The following PRUNE2 variants were observed in gnomAD, a reference collection of about 807,000 sequenced individuals.
The protein encoded by PRUNE2 is prune homolog 2 with BCH domain, also known as protein prune homolog 2.
A neutral mutation model predicts 252.0 loss-of-function variants in PRUNE2; 164 were observed. The ratio of observed to expected loss-of-function variants is 0.65; its 90% CI spans 0.57 to 0.74. The LOEUF (loss-of-function observed/expected upper bound fraction) is 0.74. PRUNE2 is among the 30% of genes least tolerant of loss of function. The pLI is 0.00. For missense variants in PRUNE2, 3,495 were observed against 3,711.0 expected (o/e 0.94, Z 1.51); for synonymous variants, 1,292 against 1,350.2 (o/e 0.96, Z 0.94).
chr9:76,730,131 T>C (rs987227360), intron 6 of PRUNE2, among the ~76,000 whole-genome samples: 13 of 152,242 alleles, frequency 8.5e-5, no homozygotes, highest in African/African-American at 3.1e-4. Flanking sequence ...CAAACACAGC[T>C]GATACTTGGC....
intron 4 of PRUNE2, among the ~76,000 whole-genome samples, chr9:76,831,127 C>T (rs1458482387): frequency 6.6e-6 from 1 of 152,060 alleles, no homozygotes; most frequent in African/African-American, 2.4e-5. Flanking sequence ...GATGGGGTTT[C>T]ACCATGTTAG....
chr9:76,705,282 G>A lies in PRUNE2; in HGVS notation c.6992C>T (p.Thr2331Met), dbSNP rs558485208. The change falls in exon 8 of 19, where the codon ACG becomes ATG. Residue 2331 changes from threonine (T) to methionine (M), a missense_variant. Coordinates refer to ENST00000376718, the MANE Select transcript of PRUNE2 (RefSeq NM_015225.3). Reference protein sequence around the residue: ...KLTLSEGHPETPVDGDLGKQD... With the variant: ...KLTLSEGHPEMPVDGDLGKQD... Reference sequence around the variant, plus strand: ...CTTCCCTAGGTCCCCATCAACTGGCGTTTCCGGATGGCCTTCGGATAATGT... The same window carrying A: ...CTTCCCTAGGTCCCCATCAACTGGCATTTCCGGATGGCCTTCGGATAATGT... 1.1e-5 allele frequency: 17 copies of A among 1,613,984 alleles called. 1 individual carries two copies. Among genetic ancestry groups the A allele is most frequent in the South Asian group, 3.3e-5 (3 of 91,084 alleles).
At chr9:76,661,947 T>G (rs571479826) in intron 9 of PRUNE2, among the ~76,000 whole-genome samples, 5 of 151,936 alleles carry the variant, frequency 3.3e-5, no homozygotes, top group Admixed American at 3.3e-4. Flanking sequence ...CAACATCACA[T>G]GTACTATATT....
intron 11 of PRUNE2, 158 bp from the exon 12 acceptor site, chr9:76,645,067 C>T (rs539402632): frequency 3.1e-6 from 2 of 635,994 alleles, no homozygotes; most frequent in Admixed American, 5.9e-5. Flanking sequence ...TTGTTTTGTA[C>T]AGCCTTTACA....
At chr9:76,898,170 C>T (rs1356811908) in intron 1 of PRUNE2, among the ~76,000 whole-genome samples, 1 of 152,214 alleles carries the variant, frequency 6.6e-6, no homozygotes, top group Admixed American at 6.5e-5. Context: ...GCTGTACTGC[C>T]TTTAGGGGGC....
At chr9:76,641,329 A>T (rs939406104) in intron 12 of PRUNE2, among the ~76,000 whole-genome samples, 2 of 152,194 alleles carry the variant, frequency 1.3e-5, no homozygotes, top group African/African-American at 2.4e-5. Context: ...AGAGGGAAAT[A>T]AAAGAAAGAT....
At chr9:76,619,233 T>A in intron 18 of PRUNE2, 107 bp downstream of exon 18, 1 of 708,868 alleles carries the variant, frequency 1.4e-6, no homozygotes, top group Non-Finnish European at 2.4e-6. Context: ...ACAGGAAAGC[T>A]GAACATCTAA....
chr9:76,832,539 G>A (rs1286389470), intron 4 of PRUNE2, among the ~76,000 whole-genome samples: 1 of 151,902 alleles, frequency 6.6e-6, no homozygotes, highest in Non-Finnish European at 1.5e-5. Context: ...AACTAAATGA[G>A]AATGAAAATA....
At chr9:76,900,062 T>C (rs551727946) in intron 1 of PRUNE2, among the ~76,000 whole-genome samples, 8 of 152,030 alleles carry the variant, frequency 5.3e-5, no homozygotes, top group Admixed American at 2.0e-4. Flanking sequence ...CTGGGTGACT[T>C]AAGGATAGGG....
intron 6 of PRUNE2, among the ~76,000 whole-genome samples, chr9:76,743,805 A>G (rs2049867201): frequency 6.6e-6 from 1 of 152,234 alleles, no homozygotes; most frequent in Non-Finnish European, 1.5e-5. Context: ...GTAAACACAG[A>G]ATTTGTTAAC....
intron 6 of PRUNE2, chr9:76,788,362 T>TTA (rs780709912): frequency 5.2e-5 from 38 of 731,886 alleles, no homozygotes; most frequent in Non-Finnish European, 8.7e-5. Flanking sequence ...TTGATAGTTA[T>TTA]TATATATACT....
intron 6 of PRUNE2, among the ~76,000 whole-genome samples, chr9:76,715,307 G>C (rs1439833279): frequency 6.6e-6 from 1 of 152,198 alleles, no homozygotes; most frequent in Non-Finnish European, 1.5e-5. Flanking sequence ...CTGTAATTCT[G>C]CTGAGTTGAA....
At chr9:76,685,669 A>T (rs1344907370) in intron 9 of PRUNE2, among the ~76,000 whole-genome samples, 1 of 152,216 alleles carries the variant, frequency 6.6e-6, no homozygotes, top group South Asian at 2.1e-4. Context: ...AAGGAGAGAG[A>T]GGCCTCAGAA....
At chr9:76,652,766 C>A in intron 10 of PRUNE2, 83 bp from the exon 11 acceptor site, 1 of 970,730 alleles carries the variant, frequency 1.0e-6, no homozygotes, top group Non-Finnish European at 1.6e-6. Flanking sequence ...CCAAATGCTC[C>A]AAAATCTGAA....
Position 76,652,597 on chromosome 9 carries a change from T to G in PRUNE2, c.8443A>C (p.Ser2815Arg), listed in dbSNP as rs1847851279. The G allele has an allele frequency of 7.4e-6, 12 of 1,612,904 alleles. No homozygotes were observed. The highest frequency in any genetic ancestry group is 1.0e-5 in the Non-Finnish European group (12 of 1,178,956). ...APNINLSLDQSEGSILSDDNL... is the reference protein window; with the variant it reads ...APNINLSLDQREGSILSDDNL... ...TCATCAGAGAGAATAGATCCTTCAC[T>G]TTGGTCCAGAGAAAGATTGATATTT... The change falls in exon 11 of 19, where the codon AGT becomes CGT. Residue 2815 changes from serine (S) to arginine (R), a missense_variant. By Grantham distance (110) the Ser-to-Arg change is moderately radical. Transcript: ENST00000376718.
intron 9 of PRUNE2, among the ~76,000 whole-genome samples, chr9:76,669,202 C>A (rs2040820408): frequency 1.3e-5 from 2 of 152,056 alleles, no homozygotes; most frequent in Admixed American, 1.3e-4. Flanking sequence ...GGGGTCACTG[C>A]ACCCACAGAA....
chr9:76,764,237 C>CAAAT lies in PRUNE2; in HGVS notation c.757-50520_757-50517dup, dbSNP rs921843579. On this transcript the variant is annotated intron_variant, in intron 6 of 18. Transcript: ENST00000376718. The stretch of plus-strand genomic sequence containing the variant: ...TGCATGGAGGCAGAAAACAAACAAA[C>CAAAT]AAATAAATAAATAAATAAATAAATA... Among the ~76,000 whole-genome samples the CAAAT allele has an allele frequency of 2.1e-3, 258 of 122,682 alleles. 1 individual carries two copies. The highest frequency in any genetic ancestry group is 0.013 in the South Asian group (53 of 4,126). The allele number at this position is 122,682 out of a possible 152,430, so 80.5% of individuals were successfully genotyped here.
intron 15 of PRUNE2, among the ~76,000 whole-genome samples, chr9:76,634,862 AT>A (rs1839298413): frequency 6.6e-6 from 1 of 152,214 alleles, no homozygotes; most frequent in African/African-American, 2.4e-5. Flanking sequence ...CTTTCTACCC[AT>A]TAAACTTTTT....
At chr9:76,850,439 T>C (rs1023562114) in intron 3 of PRUNE2, 24 bp downstream of exon 3, 4 of 1,592,368 alleles carry the variant, frequency 2.5e-6, no homozygotes, top group Non-Finnish European at 3.4e-6. Context: ...GGATTAAACC[T>C]CAGAGCTTCA....
Sources: gnomAD v4.1 joint callset for allele counts (sites outside exome capture counted in the v4.1 genomes callset) on GRCh38, gnomAD v4.1.1 for gene constraint, MANE v1.5 for transcripts, NCBI Gene and HGNC (gene_info 2026-07-23, HGNC 2026-07-21) for gene names.